The following PRKN variants were observed in gnomAD, a reference collection of about 807,000 sequenced individuals.
The protein encoded by PRKN is parkin RBR E3 ubiquitin protein ligase, also known as E3 ubiquitin-protein ligase parkin.
A neutral mutation model predicts 59.5 loss-of-function variants in PRKN; 56 were observed. The observed-to-expected ratio is 0.94, with a 90% CI of 0.76 to 1.18. The LOEUF (loss-of-function observed/expected upper bound fraction) is 1.18. PRKN is among the 50% of genes most tolerant of loss of function. The pLI is 0.00. For synonymous variants in PRKN, 250 were observed against 222.1 expected, an observed-to-expected ratio of 1.13 and a Z score of -1.12; for missense variants, 657 against 596.4, an observed-to-expected ratio of 1.10 and a Z score of -1.06.
intron 7 of PRKN, among the ~76,000 whole-genome samples, chr6:161,607,204 T>G (rs2128145266): frequency 6.6e-6 from 1 of 152,324 alleles, no homozygotes; most frequent in South Asian, 2.1e-4. Context: ...TCACATCCTG[T>G]TCACTGCTCT....
chr6:161,640,034 C>G (rs1783680688), intron 7 of PRKN, among the ~76,000 whole-genome samples: 1 of 152,182 alleles, frequency 6.6e-6, no homozygotes, highest in South Asian at 2.1e-4. Flanking sequence ...AACCAGAGCT[C>G]TTTTAACGTC....
chr6:161,486,896 T>C (rs1176353968), intron 9 of PRKN, among the ~76,000 whole-genome samples: 1 of 152,218 alleles, frequency 6.6e-6, no homozygotes, highest in East Asian at 1.9e-4. Flanking sequence ...AGAACTTGCT[T>C]TGTGCTAGCA....
Position 161,402,030 on chromosome 6 carries a change from T to C in PRKN, c.1084-15153A>G, listed in dbSNP as rs971816790. On this transcript the variant is annotated intron_variant, in intron 9 of 11. Coordinates refer to ENST00000366898, the MANE Select transcript of PRKN (RefSeq NM_004562.3). This position sits in a 1 kb window ranked among gnomAD's most constrained non-coding sequence, Gnocchi z 4.5. ...CATTTCCCACATTATCCTCTCGATATGCATCTCTGCCATGACTATCAGACA... is the reference window on the plus strand; with the variant it reads ...CATTTCCCACATTATCCTCTCGATACGCATCTCTGCCATGACTATCAGACA... Among the ~76,000 whole-genome samples, 2 of 152,276 alleles carry C rather than the reference T, an allele frequency of 1.3e-5. No homozygotes were observed. Among genetic ancestry groups the C allele is most frequent in the African/African-American group, 4.8e-5 (2 of 41,552 alleles).
intron 7 of PRKN, among the ~76,000 whole-genome samples, chr6:161,680,775 A>ATATTTTTTTTTTTTTTT (rs1216235673): frequency 3.3e-5 from 1 of 30,626 alleles, no homozygotes; most frequent in African/African-American, 1.2e-4. Flanking sequence ...ATATATATAT[A>ATATTTTTTTTTTTTTTT]TTTTTTTTTT....
chr6:161,583,720 A>G (rs1781428290), intron 7 of PRKN, among the ~76,000 whole-genome samples: 2 of 152,190 alleles, frequency 1.3e-5, no homozygotes, highest in African/African-American at 4.8e-5. Context: ...CATACTATGC[A>G]TGACATTCTG....
chr6:161,678,216 CTTTTTTTTTTTTTTT>C (rs3066554), intron 7 of PRKN, among the ~76,000 whole-genome samples: 5 of 64,940 alleles, frequency 7.7e-5, no homozygotes, highest in African/African-American at 7.9e-5. Context: ...TACTGAATCA[CTTTTTTTTTTTTTTT>C]TTTTTTTTTT....
intron 10 of PRKN, among the ~76,000 whole-genome samples, chr6:161,375,461 CT>C (rs1785656206): frequency 6.6e-6 from 1 of 152,192 alleles, no homozygotes; most frequent in Admixed American, 6.5e-5. Context: ...CTTTCCTTTC[CT>C]CTCTCCACAG....
chr6:161,892,411 A>T (rs550589548), intron 6 of PRKN, among the ~76,000 whole-genome samples: 43 of 152,096 alleles, frequency 2.8e-4, no homozygotes, highest in Middle Eastern at 3.4e-3. Context: ...ACCAAAAAAA[A>T]AAATAAATAA....
intron 1 of PRKN, among the ~76,000 whole-genome samples, chr6:162,714,782 T>A (rs555567334): frequency 6.6e-6 from 1 of 152,258 alleles, no homozygotes; most frequent in Non-Finnish European, 1.5e-5. Context: ...TGTTGTAAAG[T>A]TAAAAGCTAA....
chr6:161,420,914 A>C (rs1167652575), intron 9 of PRKN, among the ~76,000 whole-genome samples: 1 of 152,164 alleles, frequency 6.6e-6, no homozygotes, highest in African/African-American at 2.4e-5. Flanking sequence ...GCCGTACTAA[A>C]TCATGTGCTA....
In PRKN at chr6:161,444,463, A is replaced by G. The variant is rs1344935777; in HGVS notation, c.1084-57586T>C. ...AATTTACTCCGGCATTTCCATTTCCATGCATGCTTTTTCCATTTAGACTAA... is the reference window on the plus strand; with the variant it reads ...AATTTACTCCGGCATTTCCATTTCCGTGCATGCTTTTTCCATTTAGACTAA... On this transcript the variant is annotated intron_variant, in intron 9 of 11. Coordinates refer to ENST00000366898, the MANE Select transcript of PRKN (RefSeq NM_004562.3). The surrounding 1 kb of genome is among the most constrained non-coding windows in gnomAD (Gnocchi z 5.6). Among the ~76,000 whole-genome samples, 1 of 152,160 alleles carries G rather than the reference A, an allele frequency of 6.6e-6. No homozygotes were observed. The highest frequency in any genetic ancestry group is 2.4e-5 in the African/African-American group (1 of 41,442).
rs1786974897 is a variant in PRKN, at chr6:161,400,390, C to T, written c.1084-13513G>A. On this transcript the variant is annotated intron_variant, in intron 9 of 11. Coordinates refer to ENST00000366898, the MANE Select transcript of PRKN (RefSeq NM_004562.3). This position sits in a 1 kb window ranked among gnomAD's most constrained non-coding sequence, Gnocchi z 4.2. ...TGGCACGATCTCCGCTCACTGCAAC[C>T]TGTACCTCCCAGGTTCAAGCAATTC... Among the ~76,000 whole-genome samples the T allele has an allele frequency of 6.6e-6, 1 of 151,996 alleles. No homozygotes were observed.
chr6:161,680,872 C>T (rs1487362266), intron 7 of PRKN, among the ~76,000 whole-genome samples: 1 of 149,258 alleles, frequency 6.7e-6, no homozygotes, highest in African/African-American at 2.5e-5. Flanking sequence ...TTTAATACAA[C>T]TGCAAAAAGT....
At chr6:162,425,864 G>A (rs951618899) in intron 2 of PRKN, among the ~76,000 whole-genome samples, 1 of 152,210 alleles carries the variant, frequency 6.6e-6, no homozygotes, top group Non-Finnish European at 1.5e-5. Flanking sequence ...CGATACGAAT[G>A]TTCTCATACA....
At chr6:161,791,778 C>T (rs1250712185) in intron 6 of PRKN, among the ~76,000 whole-genome samples, 1 of 152,222 alleles carries the variant, frequency 6.6e-6, no homozygotes, top group Non-Finnish European at 1.5e-5. Flanking sequence ...TATTGCCACG[C>T]TCACGCTCTG....
chr6:162,423,959 T>C lies in PRKN; in HGVS notation c.171+19351A>G, dbSNP rs919210276. Among the ~76,000 whole-genome samples the C allele has an allele frequency of 3.3e-5, 5 of 152,168 alleles. No homozygotes were observed. The East Asian group carries it at 5.8e-4, about 18-fold the overall frequency. ...ACAAAAACCTACACACAGATGTTTATAGTAGCTTTGTTCATAATTGCCAAA... is the reference window on the plus strand; with the variant it reads ...ACAAAAACCTACACACAGATGTTTACAGTAGCTTTGTTCATAATTGCCAAA... On this transcript the variant is annotated intron_variant, in intron 2 of 11. Coordinates refer to ENST00000366898, the MANE Select transcript of PRKN (RefSeq NM_004562.3).
Position 162,340,866 on chromosome 6 carries a change from C to T in PRKN, c.172-78101G>A, listed in dbSNP as rs1454519744. ...TTCAGGACATAAGCATCGGCAAAGA[C>T]GTCATGACTAAAACACCAAAAGAAA... is the stretch of plus-strand genomic sequence containing the variant. On this transcript the variant is annotated intron_variant, in intron 2 of 11. Transcript: ENST00000366898. Among the ~76,000 whole-genome samples the T allele has an allele frequency of 2.6e-5, 4 of 152,192 alleles. No homozygotes were observed. In the East Asian group the frequency reaches 5.8e-4, roughly 22 times the overall value.
At chr6:162,225,400 T>C (rs946895422) in intron 3 of PRKN, among the ~76,000 whole-genome samples, 3 of 152,234 alleles carry the variant, frequency 2.0e-5, no homozygotes, top group African/African-American at 4.8e-5. Context: ...ATAGCACCTG[T>C]TGAACTTGAG....
rs6941063 is a variant in PRKN, at chr6:161,460,897, G to C, written c.1084-74020C>G. Among the ~76,000 whole-genome samples the C allele has an allele frequency of 0.12, 18,166 of 151,020 alleles. 1,302 individuals carry two copies. The highest frequency in any genetic ancestry group is 0.19 in the African/African-American group (7,904 of 41,152). ...CCCAAGTAGCTGGGACTACAGGTAC[G>C]CACCACCACGCCCAGCTAATTTTTC... On this transcript the variant is annotated intron_variant, in intron 9 of 11. Coordinates refer to ENST00000366898, the MANE Select transcript of PRKN (RefSeq NM_004562.3). This position sits in a 1 kb window ranked among gnomAD's most constrained non-coding sequence, Gnocchi z 5.0.
Sources: gnomAD v4.1 joint callset for allele counts (sites outside exome capture counted in the v4.1 genomes callset) on GRCh38, gnomAD v4.1.1 for gene constraint, Gnocchi (gnomAD v3.1) non-coding constraint, MANE v1.5 for transcripts, NCBI Gene and HGNC (gene_info 2026-07-23, HGNC 2026-07-21) for gene names.